The following EEF1B2 variants were observed in gnomAD, a reference collection of about 807,000 sequenced individuals.
EEF1B2 encodes the protein eukaryotic translation elongation factor 1 beta 2, also known as elongation factor 1-beta.
A neutral mutation model predicts 28.3 loss-of-function variants in EEF1B2; 12 were observed. The observed-to-expected ratio is 0.42, with a 90% CI of 0.27 to 0.69. EEF1B2 has a LOEUF of 0.69. Ranked by LOEUF, EEF1B2 falls within the 30% of genes least tolerant of loss-of-function variation. The pLI, the probability that EEF1B2 is intolerant of heterozygous loss-of-function variation, is 0.22. For synonymous variants in EEF1B2, 83 were observed against 99.9 expected (o/e 0.83, Z 1.01); for missense variants, 234 against 272.6 (o/e 0.86, Z 1.00).
At chr2:206,161,983 T>G in intron 3 of EEF1B2, 55 bp from the exon 4 acceptor site, 1 of 1,512,604 alleles carries the variant, frequency 6.6e-7, no homozygotes, top group South Asian at 1.1e-5. Flanking sequence ...CCCCACTAGC[T>G]TTAAGCAGAG....
chr2:206,160,416 G>C, intron 1 of EEF1B2, 172 bp from the exon 2 acceptor site: 3 of 1,196,126 alleles, frequency 2.5e-6, no homozygotes, highest in Non-Finnish European at 3.4e-6. Context: ...GGATAGCGCG[G>C]TGACCCAAAC....
chr2:206,161,770 A>AAAT, intron 3 of EEF1B2: 1 of 337,488 alleles, frequency 3.0e-6, no homozygotes, highest in Non-Finnish European at 5.6e-6. Flanking sequence ...CTCCGTCCCA[A>AAAT]AAAAAAAAAA....
At chr2:206,161,241 A>C in intron 2 of EEF1B2, 105 bp from the exon 3 acceptor site, 1 of 1,514,276 alleles carries the variant, frequency 6.6e-7, no homozygotes, top group Non-Finnish European at 8.9e-7. Flanking sequence ...TTATGATTGC[A>C]AAAGGGATCT....
intron 2 of EEF1B2, 179 bp downstream of exon 2, chr2:206,160,889 A>G (rs1417686788): frequency 2.1e-6 from 2 of 953,392 alleles, no homozygotes; most frequent in South Asian, 2.8e-5. Flanking sequence ...CAGAACAGGT[A>G]GAACATGGAC....
intron 1 of EEF1B2, 152 bp from the exon 2 acceptor site, chr2:206,160,436 G>A (rs2105784386): frequency 3.6e-6 from 5 of 1,372,892 alleles, no homozygotes; most frequent in South Asian, 2.9e-5. Flanking sequence ...CATATGGTTT[G>A]ATTTGAAGGA....
chr2:206,159,998 A>G lies in EEF1B2; in HGVS notation c.19A>G (p.Lys7Glu). The G allele has an allele frequency of 1.2e-6, 2 of 1,613,092 alleles. No homozygotes were observed. Among genetic ancestry groups the G allele is most frequent in the Non-Finnish European group, 1.7e-6 (2 of 1,179,750 alleles). The stretch of plus-strand genomic sequence containing the variant: ...CGACACCATGGGTTTCGGAGACCTG[A>G]AAAGCCCTGCCGGCCTCCAGGTGCT... MGFGDL[K>E]SPAGLQVLND... Residue 7 changes from lysine (K) to glutamate (E), a missense_variant, in exon 1 of 6, where the codon AAA (lysine) becomes GAA (glutamate). This residue lies in a region of EEF1B2 where 178 missense variants were observed against 173.3 expected (regional missense o/e 1.03). Coordinates refer to ENST00000392222, the MANE Select transcript of EEF1B2 (RefSeq NM_001959.4).
chr2:206,160,527 T>C, intron 1 of EEF1B2, 61 bp from the exon 2 acceptor site: 1 of 1,612,306 alleles, frequency 6.2e-7, no homozygotes. Flanking sequence ...CGGTATTTAT[T>C]ATTTATTCGC....
chr2:206,159,654 C>CT, upstream of EEF1B2: 1 of 250,288 alleles, frequency 4.0e-6, no homozygotes, highest in Admixed American at 5.1e-5. Context: ...GCTTCTAGGG[C>CT]TGGTTCCCGT....
upstream of EEF1B2, chr2:206,159,648 C>G (rs1687837448): frequency 4.0e-6 from 1 of 247,598 alleles, no homozygotes. Context: ...TCCGGCGCTT[C>G]TAGGGCTGGT....
intron 4 of EEF1B2, 43 bp downstream of exon 4, chr2:206,162,147 A>C (rs959721296): frequency 5.7e-6 from 9 of 1,573,614 alleles, no homozygotes; most frequent in Non-Finnish European, 7.0e-6. Flanking sequence ...TAATGTAAGT[A>C]ATCTTTTTCA....
rs11546379 is a variant in EEF1B2, at chr2:206,161,402, C to G, written c.260C>G (p.Thr87Ser). Residue 87 changes from threonine to serine, a missense_variant, in exon 3 of 6, where the codon ACT becomes AGT. Coordinates refer to ENST00000392222, the MANE Select transcript of EEF1B2 (RefSeq NM_001959.4). ...GKYGPADVED[T>S]TGSGATDSKD... ...TATGGTCCTGCCGATGTGGAAGACA[C>G]TACAGGAAGTGGAGCTACAGATAGT... is the stretch of plus-strand genomic sequence containing the variant. 1.2e-6 allele frequency: 2 copies of G among 1,614,122 alleles called. No individual in the cohort carries two copies. The highest frequency in any genetic ancestry group is 1.7e-6 in the Non-Finnish European group (2 of 1,180,002).
Position 206,160,423 on chromosome 2 carries a change from A to C in EEF1B2, c.81-165A>C. The C allele has an allele frequency of 2.3e-6, 3 of 1,298,842 alleles. No homozygotes were observed. In the East Asian group the frequency reaches 7.5e-5, roughly 32 times the overall value. The allele number at this position is 1,298,842 out of a possible 1,614,324, so 80.5% of individuals were successfully genotyped here. The stretch of plus-strand genomic sequence containing the variant: ...ATTTCTCAGGATAGCGCGGTGACCC[A>C]AACATATGGTTTGATTTGAAGGAGC... On this transcript the variant is annotated intron_variant, in intron 1 of 5. Transcript: ENST00000392222.
chr2:206,161,508 C>T lies in EEF1B2; in HGVS notation c.330+36C>T, dbSNP rs552986060. On this transcript the variant is annotated intron_variant, in intron 3 of 5. Coordinates refer to ENST00000392222, the MANE Select transcript of EEF1B2 (RefSeq NM_001959.4). ...TTCTATAAAGAACATATCGGCCAGGCGCAGTGGCTCATGCCTGTAATCCCA... is the reference window on the plus strand; with the variant it reads ...TTCTATAAAGAACATATCGGCCAGGTGCAGTGGCTCATGCCTGTAATCCCA... 5.8e-5 allele frequency: 94 copies of T among 1,609,564 alleles called. No individual in the cohort carries two copies. The Admixed American group carries it at 1.2e-3, about 21-fold the overall frequency.
At chr2:206,161,507 G>A in intron 3 of EEF1B2, 35 bp downstream of exon 3, 1 of 1,610,522 alleles carries the variant, frequency 6.2e-7, no homozygotes, top group Non-Finnish European at 8.5e-7. Flanking sequence ...TATCGGCCAG[G>A]CGCAGTGGCT....
chr2:206,162,048 A>C lies in EEF1B2; in HGVS notation c.341A>C (p.Glu114Ala). The C allele has an allele frequency of 1.9e-6, 3 of 1,614,078 alleles. No individual in the cohort carries two copies. The highest frequency in any genetic ancestry group is 1.7e-5 in the Admixed American group (1 of 60,020). Reference protein sequence around the residue: ...FGSDDEEESEEAKRLREERLA... With the variant: ...FGSDDEEESEAAKRLREERLA... The stretch of plus-strand genomic sequence containing the variant: ...TTTTTTTCTTTACAGGAAAGTGAAG[A>C]AGCAAAGAGGCTAAGGGAAGAACGT... The change falls in exon 4 of 6, where the codon GAA becomes GCA. Residue 114 changes from glutamate (E) to alanine (A), a missense_variant. By Grantham distance (107) the Glu-to-Ala change is moderately radical (BLOSUM62 -1). This residue lies in a region of EEF1B2 where 178 missense variants were observed against 173.3 expected (regional missense o/e 1.03). Transcript: ENST00000392222.
chr2:206,161,793 G>C, intron 3 of EEF1B2: 1 of 649,100 alleles, frequency 1.5e-6, no homozygotes. Context: ...AGAATACATC[G>C]ATCAGCAATT....
chr2:206,160,334 A>G lies in EEF1B2; in HGVS notation c.81-254A>G, dbSNP rs17838593. Among the ~76,000 whole-genome samples, 74 of 152,302 alleles carry G rather than the reference A, an allele frequency of 4.9e-4. 1 individual carries two copies. The East Asian group carries it at 0.013, about 27-fold the overall frequency. ...TTCCGCATCGCTGCCCAGTTAATAC[A>G]TGTTAAGCTGTAGATAGAGCAACGC... On this transcript the variant is annotated intron_variant, in intron 1 of 5. Coordinates refer to ENST00000392222, the MANE Select transcript of EEF1B2 (RefSeq NM_001959.4).
At chr2:206,161,129 C>G in intron 2 of EEF1B2, 1 of 609,328 alleles carries the variant, frequency 1.6e-6, no homozygotes, top group Non-Finnish European at 2.8e-6. Flanking sequence ...AAGAGTAAAT[C>G]ATAGTGAGTA....
At chr2:206,161,533 A>G (rs1687932879) in intron 3 of EEF1B2, 61 bp downstream of exon 3, 1 of 1,600,846 alleles carries the variant, frequency 6.2e-7, no homozygotes, top group East Asian at 2.3e-5. Context: ...CTGTAATCCC[A>G]GCATGTTGGG....
Sources: gnomAD v4.1 joint callset for allele counts (sites outside exome capture counted in the v4.1 genomes callset) on GRCh38, gnomAD v4.1.1 for gene constraint, gnomAD v4.1.1 regional missense constraint, MANE v1.5 for transcripts, NCBI Gene and HGNC (gene_info 2026-07-23, HGNC 2026-07-21) for gene names.